COL25A1: variants seen among roughly 807,000 people sequenced by gnomAD.
COL25A1 encodes collagen type XXV alpha 1 chain.
Under a neutral mutation model 128.4 loss-of-function variants are expected in COL25A1, and 103 were observed. The ratio of observed to expected loss-of-function variants is 0.80; its 90% CI spans 0.68 to 0.94. The LOEUF (loss-of-function observed/expected upper bound fraction) is 0.94, where lower values mean the gene tolerates loss of function less well. Among genes scored for constraint, COL25A1 ranks in the 40% least tolerant of loss-of-function variants. The probability of loss-of-function intolerance (pLI) is 0.00; values close to 1 mark genes in which losing one functional copy is unlikely to be tolerated. For synonymous variants in COL25A1, 279 were observed against 277.2 expected (o/e 1.01, Z -0.06); for missense variants, 745 against 840.0 (o/e 0.89, Z 1.40).
intron 3 of COL25A1, among the ~76,000 whole-genome samples, chr4:109,235,836 T>C (rs978589236): frequency 2.6e-5 from 4 of 152,128 alleles, no homozygotes; most frequent in Non-Finnish European, 5.9e-5. Flanking sequence ...TAATTTCATC[T>C]ATGGTGAAGG....
intron 13 of COL25A1, among the ~76,000 whole-genome samples, chr4:108,910,238 G>C (rs1437453022): frequency 6.6e-6 from 1 of 152,108 alleles, no homozygotes; most frequent in East Asian, 1.9e-4. Flanking sequence ...CTTGGAAAGA[G>C]AATGTGTTTA....
chr4:109,124,218 G>A (rs1164714759), intron 3 of COL25A1, among the ~76,000 whole-genome samples: 1 of 151,882 alleles, frequency 6.6e-6, no homozygotes, highest in African/African-American at 2.4e-5. Context: ...ATTTTATGCA[G>A]TAAGATGGTT....
chr4:108,984,147 T>A (rs1346202316), intron 6 of COL25A1, among the ~76,000 whole-genome samples: 1 of 152,206 alleles, frequency 6.6e-6, no homozygotes, highest in Non-Finnish European at 1.5e-5. Context: ...CCCACCAGAG[T>A]AGCTAGATAC....
intron 5 of COL25A1, among the ~76,000 whole-genome samples, chr4:109,040,535 T>C (rs1759782651): frequency 1.3e-5 from 2 of 152,232 alleles, no homozygotes; most frequent in South Asian, 4.1e-4. Context: ...TATTTTCAAG[T>C]GGCTTTCTTG....
At chr4:108,818,442 G>T (rs1396582998) in intron 36 of COL25A1, among the ~76,000 whole-genome samples, 1 of 151,944 alleles carries the variant, frequency 6.6e-6, no homozygotes, top group Non-Finnish European at 1.5e-5. Flanking sequence ...CAGAAAATAT[G>T]AATATACTTT....
intron 3 of COL25A1, among the ~76,000 whole-genome samples, chr4:109,209,458 A>G (rs997665004): frequency 1.3e-5 from 2 of 152,156 alleles, no homozygotes; most frequent in Non-Finnish European, 2.9e-5. Context: ...GGCAACATTA[A>G]AATGTAAAAT....
At chr4:108,840,008 G>A (rs886160408) in intron 31 of COL25A1, among the ~76,000 whole-genome samples, 9 of 151,942 alleles carry the variant, frequency 5.9e-5, no homozygotes, top group Non-Finnish European at 1.2e-4. Context: ...TTGGGAGGCC[G>A]AGGCGGGCGG....
intron 3 of COL25A1, among the ~76,000 whole-genome samples, chr4:109,070,100 T>TA (rs969347863): frequency 8.7e-5 from 13 of 149,462 alleles, no homozygotes; most frequent in South Asian, 2.1e-4. Flanking sequence ...ACTAAAAATA[T>TA]AAAAAAAAAC....
chr4:109,087,534 T>C (rs1219906917), intron 3 of COL25A1, among the ~76,000 whole-genome samples: 2 of 152,146 alleles, frequency 1.3e-5, no homozygotes, highest in Non-Finnish European at 2.9e-5. Context: ...CATGCACACA[T>C]CAAGAAATAT....
intron 3 of COL25A1, among the ~76,000 whole-genome samples, chr4:109,174,078 C>T (rs1002224056): frequency 6.6e-6 from 1 of 152,118 alleles, no homozygotes; most frequent in African/African-American, 2.4e-5. Flanking sequence ...GAGGTGCTAG[C>T]CCATGGAAAC....
At chr4:108,949,333 C>A (rs1749129553) in intron 8 of COL25A1, among the ~76,000 whole-genome samples, 1 of 152,140 alleles carries the variant, frequency 6.6e-6, no homozygotes, top group Non-Finnish European at 1.5e-5. Flanking sequence ...ATGATATGCT[C>A]TTTGAGTGAG....
intron 3 of COL25A1, among the ~76,000 whole-genome samples, chr4:109,137,012 T>G (rs1769843726): frequency 6.6e-6 from 1 of 152,206 alleles, no homozygotes; most frequent in South Asian, 2.1e-4. Flanking sequence ...ACACCTTGAT[T>G]GCAGCTTTGT....
intron 13 of COL25A1, among the ~76,000 whole-genome samples, chr4:108,902,997 C>T (rs543905520): frequency 2.0e-5 from 3 of 151,620 alleles, no homozygotes; most frequent in Non-Finnish European, 2.9e-5. Flanking sequence ...TAAGAGATGC[C>T]GCCAGGAAAC....
intron 19 of COL25A1, among the ~76,000 whole-genome samples, chr4:108,882,901 T>A: frequency 6.6e-6 from 1 of 152,294 alleles, no homozygotes; most frequent in African/African-American, 2.4e-5. Flanking sequence ...CATAAAATAT[T>A]ATACATATTA....
At chr4:109,252,533 C>T (rs1252228742) in intron 3 of COL25A1, among the ~76,000 whole-genome samples, 2 of 152,168 alleles carry the variant, frequency 1.3e-5, no homozygotes, top group African/African-American at 4.8e-5. Context: ...CTGAGGTCAC[C>T]CTTTGGTGAG....
At chr4:109,254,469 T>TTATACATATATATA (rs1780915845) in intron 3 of COL25A1, among the ~76,000 whole-genome samples, 1 of 59,592 alleles carries the variant, frequency 1.7e-5, no homozygotes, top group Non-Finnish European at 3.3e-5. Flanking sequence ...AGGCATATGT[T>TTATACATATATATA]TATATATATA....
At chr4:109,056,188 T>G (rs976270876) in intron 3 of COL25A1, among the ~76,000 whole-genome samples, 1 of 152,082 alleles carries the variant, frequency 6.6e-6, no homozygotes, top group African/African-American at 2.4e-5. Context: ...TTTTTAACAA[T>G]AGAAAAGATA....
intron 19 of COL25A1, among the ~76,000 whole-genome samples, chr4:108,871,912 G>T (rs565067948): frequency 8.0e-4 from 122 of 152,156 alleles, no homozygotes; most frequent in African/African-American, 2.9e-3. Context: ...AGTAAATAAG[G>T]CATGGATATG....
rs192078374 is a variant in COL25A1 at position 108,884,241 on chromosome 4, T to C, written c.976-19A>G. The C allele has an allele frequency of 1.2e-4, 192 of 1,608,266 alleles. No homozygotes were observed. In the East Asian group the frequency reaches 4.2e-3, roughly 35 times the overall value. The stretch of plus-strand genomic sequence containing the variant: ...GTTCACCCTACACAGGAAAATCATA[T>C]AGCATTATAGAATGATATTCACTCA... On this transcript the variant is annotated intron_variant, in intron 18 of 37. Transcript: ENST00000399132.
Sources: allele counts gnomAD v4.1 joint callset (sites outside exome capture counted in the v4.1 genomes callset), GRCh38; gene constraint gnomAD v4.1.1; transcripts MANE v1.5; gene names NCBI Gene and HGNC (gene_info 2026-07-23, HGNC 2026-07-21).